FHIP2B: variants seen among roughly 807,000 people sequenced by gnomAD.
The protein encoded by FHIP2B is FHF complex subunit HOOK-interacting protein 2B.
FHIP2B carries 72 observed loss-of-function variants against 84.0 expected under a neutral mutation model. That is an observed-to-expected ratio of 0.86 (90% CI 0.71 to 1.04). FHIP2B has a LOEUF of 1.04. Among genes scored for constraint, FHIP2B ranks in the 50% least tolerant of loss-of-function variants. The pLI is 0.00. For missense variants in FHIP2B, 972 were observed against 968.9 expected (o/e 1.00, Z -0.04); for synonymous variants, 497 against 418.7 (o/e 1.19, Z -2.28).
chr8:22,103,607 G>C lies in FHIP2B; in HGVS notation c.*676G>C, dbSNP rs774008725. 6.6e-6 allele frequency: 1 copy of C among 152,420 alleles called. No individual in the cohort carries two copies. Among genetic ancestry groups the C allele is most frequent in the African/African-American group, 2.4e-5 (1 of 41,468 alleles). The allele number at this position is 152,420 out of a possible 1,614,324, so 9.4% of individuals were successfully genotyped here. ...GTGCAGCTGCAGCCAGGAGGGGAGC[G>C]GGCCCAGGAGCCAGGCTCAGGTCCA... On this transcript the variant is annotated 3_prime_UTR_variant, in exon 17 of 17. Transcript: ENST00000289921.
chr8:22,103,026 G>GAGT lies in FHIP2B; in HGVS notation c.*95_*96insAGT. On this transcript the variant is annotated 3_prime_UTR_variant, in exon 17 of 17. Transcript: ENST00000289921. ...CCGCCACACTCCCCTCCTGGGATGG[G>GAGT]GCTTCTGCTCCCGGGCTCACTCAAG... 1 of 1,455,880 alleles carries GAGT rather than the reference G, an allele frequency of 6.9e-7. No individual in the cohort carries two copies. Among genetic ancestry groups the GAGT allele is most frequent in the Non-Finnish European group, 9.2e-7 (1 of 1,088,222 alleles). 90.2% of individuals were successfully genotyped at this position (1,455,880 alleles called of 1,614,324 possible).
Position 22,089,190 on chromosome 8 carries a change from G to A in FHIP2B, c.-64G>A, listed in dbSNP as rs1825321589. ...CCGGGGCCGCCGGGGCCACGGGGCT[G>A]CCTCCTCCGCCTAGAGCGCTGCCGC... On this transcript the variant is annotated 5_prime_UTR_variant, in exon 1 of 17. Transcript: ENST00000289921. 4.0e-6 allele frequency: 4 copies of A among 1,010,370 alleles called. No individual in the cohort carries two copies. The highest frequency in any genetic ancestry group is 5.6e-5 in the Admixed American group (1 of 17,860). The allele number at this position is 1,010,370 out of a possible 1,614,324, so 62.6% of individuals were successfully genotyped here. A position where few individuals can be genotyped will look rare whatever the true frequency, so the allele number is the denominator to read the frequency against.
intron 6 of FHIP2B, 55 bp downstream of exon 6, chr8:22,098,365 T>C: frequency 7.5e-7 from 1 of 1,335,196 alleles, no homozygotes; most frequent in South Asian, 1.3e-5. Context: ...GGTTGACGGC[T>C]GGGGGGTGAT....
chr8:22,098,231 C>T lies in FHIP2B; in HGVS notation c.689C>T (p.Pro230Leu), dbSNP rs916959214. 6.3e-7 allele frequency: 1 copy of T among 1,590,918 alleles called. No individual in the cohort carries two copies. The highest frequency in any genetic ancestry group is 8.6e-7 in the Non-Finnish European group (1 of 1,169,568). Residue 230 changes from proline (P) to leucine (L), a missense_variant, in exon 6 of 17, where the codon CCT becomes CTT. Pro to Leu is a moderately conservative substitution (Grantham distance 98). Coordinates refer to ENST00000289921, the MANE Select transcript of FHIP2B (RefSeq NM_022749.7). ...CGAQALNSHM[P>L]AETEELDGGT... ...GCCCAGGCCTTGAACAGCCACATGC[C>T]TGCTGAGACCGAGGAGCTGGACGGT... is the stretch of plus-strand genomic sequence containing the variant.
Position 22,094,528 on chromosome 8 carries a change from G to C in FHIP2B, c.124+10G>C. 6.2e-7 allele frequency: 1 copy of C among 1,609,478 alleles called. No individual in the cohort carries two copies. Among genetic ancestry groups the C allele is most frequent in the Non-Finnish European group, 8.5e-7 (1 of 1,178,272 alleles). ...TACATCGAGAGCACAGGTGCGGCCTGGCCCTCCCCAGCCCAGGGACCCTGG... is the reference window on the plus strand; with the variant it reads ...TACATCGAGAGCACAGGTGCGGCCTCGCCCTCCCCAGCCCAGGGACCCTGG... On this transcript the variant is annotated intron_variant, in intron 2 of 16. Coordinates refer to ENST00000289921, the MANE Select transcript of FHIP2B (RefSeq NM_022749.7).
intron 3 of FHIP2B, chr8:22,097,126 A>C (rs1327570035): frequency 3.7e-6 from 1 of 273,100 alleles, no homozygotes; most frequent in Non-Finnish European, 7.1e-6. Flanking sequence ...TGACCCAGTC[A>C]TGGAGCACAG....
At chr8:22,096,672 G>C (rs1365924590) in intron 3 of FHIP2B, 163 bp downstream of exon 3, 3 of 996,232 alleles carry the variant, frequency 3.0e-6, no homozygotes, top group Non-Finnish European at 1.4e-6. Flanking sequence ...GCAGCCTGGG[G>C]CTCCCTGGAT....
Position 22,099,582 on chromosome 8 carries a change from G to A in FHIP2B, c.1152-122G>A, listed in dbSNP as rs907974432. The A allele has an allele frequency of 1.2e-4, 152 of 1,255,630 alleles. 1 individual carries two copies. The Middle Eastern group carries it at 1.3e-3, about 11-fold the overall frequency. 77.8% of individuals were successfully genotyped at this position (1,255,630 alleles called of 1,614,324 possible). ...CCCTTCCCTGCAGGACCTCAGCAGG[G>A]ATGGGCAAGTGACCACAGACATACC... On this transcript the variant is annotated intron_variant, in intron 9 of 16. Coordinates refer to ENST00000289921, the MANE Select transcript of FHIP2B (RefSeq NM_022749.7).
At chr8:22,102,765 C>T (rs1389075892) in intron 16 of FHIP2B, 28 bp from the exon 17 acceptor site, 1 of 1,610,688 alleles carries the variant, frequency 6.2e-7, no homozygotes, top group Non-Finnish European at 8.5e-7. Flanking sequence ...CCCCACCCAG[C>T]CATGCCCCCT....
chr8:22,098,469 T>C lies in FHIP2B; in HGVS notation c.815T>C (p.Val272Ala). Residue 272 changes from valine (V) to alanine (A), a missense_variant, in exon 7 of 17, where the codon GTG (valine) becomes GCG (alanine). Val to Ala is a moderately conservative substitution (Grantham distance 64). Transcript: ENST00000289921. ...GCCCAGGAGAACCTGCTGCTCCTGG[T>C]GAGCATGGCCTCCCCAGCAGCTGCC... ...LKAQENLLLL[V>A]SMASPAAATY... 6.2e-7 allele frequency: 1 copy of C among 1,611,208 alleles called. No individual in the cohort carries two copies. The highest frequency in any genetic ancestry group is 1.3e-5 in the African/African-American group (1 of 74,940).
Position 22,102,355 on chromosome 8 carries a change from TGGA to T in FHIP2B, c.1992+43_1992+45del, listed in dbSNP as rs539505768. On this transcript the variant is annotated intron_variant, in intron 15 of 16. Transcript: ENST00000289921. ...GCCCAAGGGAGTGTGCCTAGTGAGGTGGAGGGGACATCAGGGAAAGGGAACGGG... is the reference window on the plus strand; with the variant it reads ...GCCCAAGGGAGTGTGCCTAGTGAGGTGGGGACATCAGGGAAAGGGAACGGG... 188 of 1,440,018 alleles carry T rather than the reference TGGA, an allele frequency of 1.3e-4. No individual in the cohort carries two copies. In the African/African-American group the frequency reaches 2.9e-3, roughly 22 times the overall value. The allele number at this position is 1,440,018 out of a possible 1,614,324, so 89.2% of individuals were successfully genotyped here.
At position 22,098,547 on chromosome 8, in the gene FHIP2B, G is replaced by A. The variant is rs372291105; in HGVS notation, c.893G>A (p.Cys298Tyr). The change falls in exon 7 of 17, where the codon TGC becomes TAC. Residue 298 changes from cysteine to tyrosine, a missense_variant. Transcript: ENST00000289921. ...TGCCCTGCGATCGTCCGGCACCTTT[G>A]CCAGTTGTACCGGTCCATGCCTGTC... ...ACCPAIVRHL[C>Y]QLYRSMPVFL... 6.2e-7 allele frequency: 1 copy of A among 1,611,966 alleles called. No homozygotes were observed. Among genetic ancestry groups the A allele is most frequent in the Non-Finnish European group, 8.5e-7 (1 of 1,179,240 alleles).
In FHIP2B at chr8:22,089,161, C is replaced by G. The variant is rs1825319199; in HGVS notation, c.-93C>G. On this transcript the variant is annotated 5_prime_UTR_variant, in exon 1 of 17. Coordinates refer to ENST00000289921, the MANE Select transcript of FHIP2B (RefSeq NM_022749.7). Reference sequence around the variant, plus strand: ...AGCGGCCGGGCCCCGCCCCCCTCGTCGCGCCGGGGCCGCCGGGGCCACGGG... The same window carrying G: ...AGCGGCCGGGCCCCGCCCCCCTCGTGGCGCCGGGGCCGCCGGGGCCACGGG... 1 of 831,128 alleles carries G rather than the reference C, an allele frequency of 1.2e-6. No homozygotes were observed. The highest frequency in any genetic ancestry group is 8.7e-5 in the East Asian group (1 of 11,534). The allele number at this position is 831,128 out of a possible 1,614,324, so 51.5% of individuals were successfully genotyped here. A position where few individuals can be genotyped will look rare whatever the true frequency, so the allele number is the denominator to read the frequency against.
chr8:22,099,880 A>G lies in FHIP2B; in HGVS notation c.1328A>G (p.His443Arg), dbSNP rs200398281. The G allele has an allele frequency of 7.3e-5, 117 of 1,609,558 alleles. No individual in the cohort carries two copies. Among genetic ancestry groups the G allele is most frequent in the Non-Finnish European group, 1.4e-5 (17 of 1,178,346 alleles). The change falls in exon 10 of 17, where the codon CAC becomes CGC. Residue 443 changes from histidine to arginine, a missense_variant. Transcript: ENST00000289921. Reference sequence around the variant, plus strand: ...GCTCATCTCATCGGGCATTGTGACCACCTCTCTGATGAGGTACAGTGGGGG... The same window carrying G: ...GCTCATCTCATCGGGCATTGTGACCGCCTCTCTGATGAGGTACAGTGGGGG... ...LYAHLIGHCD[H>R]LSDEISITTL...
intron 12 of FHIP2B, 78 bp downstream of exon 12, chr8:22,101,050 C>T (rs1286606647): frequency 6.6e-6 from 10 of 1,504,188 alleles, no homozygotes; most frequent in Admixed American, 2.0e-5. Flanking sequence ...GAGTCTCGCT[C>T]CGTCACCCAG....
intron 14 of FHIP2B, 152 bp downstream of exon 14, chr8:22,102,003 C>A (rs1826146153): frequency 1.1e-5 from 17 of 1,507,166 alleles, no homozygotes; most frequent in Non-Finnish European, 1.4e-5. Flanking sequence ...ACCCCTGCTC[C>A]ACACGTCCTA....
At chr8:22,093,488 G>A (rs1008484803) in intron 1 of FHIP2B, among the ~76,000 whole-genome samples, 1 of 152,174 alleles carries the variant, frequency 6.6e-6, no homozygotes, top group Non-Finnish European at 1.5e-5. Context: ...TTGATAGAAG[G>A]AGCCGGTAGA....
In FHIP2B at chr8:22,097,753, G is replaced by A. The variant is rs777373559; in HGVS notation, c.439G>A (p.Val147Ile). ...LRLGGTASGS[V>I]TEKEEVQFTT... is the part of the protein sequence containing the mutation. ...ACTTGGTGGGACTGCTTCCGGATCC[G>A]TTACAGAAAAGGAGGAGGTGCAGTT... Residue 147 changes from valine (V) to isoleucine (I), a missense_variant, in exon 5 of 17, where the codon GTT becomes ATT. Physicochemically the swap from Val to Ile is conservative, Grantham distance 29. Coordinates refer to ENST00000289921, the MANE Select transcript of FHIP2B (RefSeq NM_022749.7). 7.4e-6 allele frequency: 12 copies of A among 1,613,242 alleles called. No individual in the cohort carries two copies. Among genetic ancestry groups the A allele is most frequent in the East Asian group, 2.2e-5 (1 of 44,874 alleles).
intron 1 of FHIP2B, chr8:22,089,900 C>T (rs776341372): frequency 6.6e-6 from 8 of 1,208,618 alleles, no homozygotes; most frequent in South Asian, 1.3e-5. Context: ...GGGGAAATCG[C>T]CTTCTATTGG....
Sources: gnomAD v4.1 joint callset for allele counts (sites outside exome capture counted in the v4.1 genomes callset) on GRCh38, gnomAD v4.1.1 for gene constraint, MANE v1.5 for transcripts, NCBI Gene and HGNC (gene_info 2026-07-23, HGNC 2026-07-21) for gene names.